Variants in PLD1 observed in about 807,000 individuals in gnomAD.
The protein encoded by PLD1 is phospholipase D1, also known as choline phosphatase 1.
A neutral mutation model predicts 137.1 loss-of-function variants in PLD1; 112 were observed. That is an observed-to-expected ratio of 0.82 (90% confidence interval 0.70 to 0.96). PLD1 has a LOEUF of 0.96. Ranked by LOEUF, PLD1 falls within the 40% of genes least tolerant of loss-of-function variation. The probability of loss-of-function intolerance (pLI) is 0.00; values close to 1 mark genes in which losing one functional copy is unlikely to be tolerated. For missense variants in PLD1, 1,321 were observed against 1,342.0 expected (o/e 0.98, Z 0.24); for synonymous variants, 431 against 454.7 (o/e 0.95, Z 0.66).
chr3:171,697,237 C>CTTTTTTTTTTTTTTTT (rs34340739), intron 12 of PLD1, among the ~76,000 whole-genome samples: 2 of 97,314 alleles, frequency 2.1e-5, no homozygotes, highest in African/African-American at 3.9e-5. Context: ...TTCCGGACAC[C>CTTTTTTTTTTTTTTTT]TTTTTTTTTT....
chr3:171,634,096 A>C (rs2108341959), intron 23 of PLD1, among the ~76,000 whole-genome samples: 1 of 152,354 alleles, frequency 6.6e-6, no homozygotes, highest in East Asian at 1.9e-4. Context: ...AGAAACAGGC[A>C]TTATGTAATT....
chr3:171,644,767 C>T lies in PLD1; in HGVS notation c.2543+143G>A, dbSNP rs1357680171. ...CATTTGAATTTTATCAACTAGCAAA[C>T]GGGCCAAGATTTGAAAGTAAAATAA... is the stretch of plus-strand genomic sequence containing the variant. On this transcript the variant is annotated intron_variant, in intron 22 of 26. Coordinates refer to ENST00000351298, the MANE Select transcript of PLD1 (RefSeq NM_002662.5). 43 of 613,102 alleles carry T rather than the reference C, an allele frequency of 7.0e-5. No individual in the cohort carries two copies. In the South Asian group the frequency reaches 7.2e-4, roughly 10 times the overall value. 38.0% of individuals were successfully genotyped at this position (613,102 alleles called of 1,614,324 possible).
At chr3:171,687,665 T>A in intron 14 of PLD1, 81 bp from the exon 15 acceptor site, 1 of 868,012 alleles carries the variant, frequency 1.2e-6, no homozygotes, top group Non-Finnish European at 1.8e-6. Context: ...AGAGCTGAAG[T>A]ATAAAGTTTA....
At chr3:171,729,837 C>G (rs1718798940) in intron 6 of PLD1, among the ~76,000 whole-genome samples, 1 of 152,204 alleles carries the variant, frequency 6.6e-6, no homozygotes, top group Admixed American at 6.5e-5. Context: ...CTCTTCCCCT[C>G]AAGTTAAAGT....
intron 26 of PLD1, among the ~76,000 whole-genome samples, chr3:171,604,792 T>C (rs1732079244): frequency 6.6e-6 from 1 of 152,248 alleles, no homozygotes; most frequent in Non-Finnish European, 1.5e-5. Flanking sequence ...GAATACTGTT[T>C]ACTATACACT....
chr3:171,645,323 G>C (rs1285689638), intron 21 of PLD1, among the ~76,000 whole-genome samples: 1 of 152,150 alleles, frequency 6.6e-6, no homozygotes, highest in Non-Finnish European at 1.5e-5. Context: ...AGAAATCCTT[G>C]CTTGGATCCC....
At chr3:171,710,646 C>T (rs7618276) in intron 9 of PLD1, among the ~76,000 whole-genome samples, 53,600 of 151,850 alleles carry the variant, frequency 0.35, 10,480 homozygotes, top group African/African-American at 0.5. Flanking sequence ...ACTGGTACCC[C>T]GAGGGGGTTG....
At chr3:171,700,864 T>C (rs1031087151) in intron 11 of PLD1, among the ~76,000 whole-genome samples, 1 of 152,216 alleles carries the variant, frequency 6.6e-6, no homozygotes, top group Non-Finnish European at 1.5e-5. Context: ...GGCTGGGTTC[T>C]AAAGTTAGTT....
At chr3:171,624,530 A>G (rs182671136) in intron 23 of PLD1, among the ~76,000 whole-genome samples, 38 of 152,116 alleles carry the variant, frequency 2.5e-4, no homozygotes, top group African/African-American at 8.9e-4. Context: ...AATTTATGCT[A>G]AATATATACC....
chr3:171,606,045 G>A, intron 25 of PLD1, among the ~76,000 whole-genome samples: 1 of 152,170 alleles, frequency 6.6e-6, no homozygotes, highest in East Asian at 1.9e-4. Context: ...GGGGGGCAAG[G>A]GTTGAAACAG....
chr3:171,711,770 G>C (rs1717250700), intron 9 of PLD1, among the ~76,000 whole-genome samples: 1 of 134,682 alleles, frequency 7.4e-6, no homozygotes, highest in South Asian at 2.3e-4. Flanking sequence ...AGATTTTTCT[G>C]TCACTCATAA....
chr3:171,733,787 C>T (rs1719130194), intron 5 of PLD1, among the ~76,000 whole-genome samples: 1 of 152,102 alleles, frequency 6.6e-6, no homozygotes, highest in Non-Finnish European at 1.5e-5. Context: ...ATGTATATAG[C>T]TATTATAGCA....
In PLD1 at chr3:171,620,406, T is replaced by A. The variant is rs1273644455; in HGVS notation, c.2708A>T (p.Asp903Val). 1 of 1,597,070 alleles carries A rather than the reference T, an allele frequency of 6.3e-7. No individual in the cohort carries two copies. The highest frequency in any genetic ancestry group is 8.6e-7 in the Non-Finnish European group (1 of 1,167,678). Residue 903 changes from aspartate to valine, a missense_variant, in exon 24 of 27, where the codon GAT (aspartate) becomes GTT (valine). Transcript: ENST00000351298. Reference protein sequence around the residue: ...IYVHSKLLIADDNTVIIGSAN... With the variant: ...IYVHSKLLIAVDNTVIIGSAN... Reference sequence around the variant, plus strand: ...CTTACCAATAATAACAGTGTTATCATCAGCAATTAACAACTTGCTGTGGAC... The same window carrying A: ...CTTACCAATAATAACAGTGTTATCAACAGCAATTAACAACTTGCTGTGGAC...
At chr3:171,696,211 G>A (rs547781543) in intron 12 of PLD1, among the ~76,000 whole-genome samples, 1 of 152,332 alleles carries the variant, frequency 6.6e-6, no homozygotes, top group South Asian at 2.1e-4. Flanking sequence ...AAAATTGCGT[G>A]TGGGGATTTG....
chr3:171,773,897 C>T (rs958372989), intron 1 of PLD1, among the ~76,000 whole-genome samples: 2 of 151,786 alleles, frequency 1.3e-5, no homozygotes, highest in Non-Finnish European at 2.9e-5. Context: ...TACAGGCGCC[C>T]GCCACCGCAC....
At chr3:171,607,426 C>G (rs1732299775) in intron 25 of PLD1, among the ~76,000 whole-genome samples, 1 of 152,018 alleles carries the variant, frequency 6.6e-6, no homozygotes. Context: ...ATGTGTCCAC[C>G]AAACTATCAG....
intron 1 of PLD1, among the ~76,000 whole-genome samples, chr3:171,796,048 A>G (rs1458355806): frequency 6.6e-6 from 1 of 152,200 alleles, no homozygotes; most frequent in Non-Finnish European, 1.5e-5. Flanking sequence ...TGTCTGAGAC[A>G]TTGGTCTCTC....
At chr3:171,748,657 T>A (rs547415748) in intron 1 of PLD1, among the ~76,000 whole-genome samples, 1 of 152,164 alleles carries the variant, frequency 6.6e-6, no homozygotes, top group Non-Finnish European at 1.5e-5. Flanking sequence ...TGGCCATCTA[T>A]GTAATTACTA....
rs1716990731 is a variant in PLD1 at position 171,709,677 on chromosome 3, T to C, written c.944A>G (p.His315Arg). 6.8e-6 allele frequency: 11 copies of C among 1,611,304 alleles called. No individual in the cohort carries two copies. The highest frequency in any genetic ancestry group is 9.3e-6 in the Non-Finnish European group (11 of 1,179,304). Residue 315 changes from histidine (H) to arginine (R), a missense_variant, in exon 10 of 27, where the codon CAT becomes CGT. Physicochemically the swap from His to Arg is conservative, Grantham distance 29. Transcript: ENST00000351298. ...TLILKCNSYR[H>R]ARWWGGAIEE... ...TATAGCCCCTCCCCACCACCGAGCATGTCTATAGCTGTTGCATTTTAAAAT... is the reference window on the plus strand; with the variant it reads ...TATAGCCCCTCCCCACCACCGAGCACGTCTATAGCTGTTGCATTTTAAAAT...
Sources: allele counts gnomAD v4.1 joint callset (sites outside exome capture counted in the v4.1 genomes callset), GRCh38; gene constraint gnomAD v4.1.1; transcripts MANE v1.5; gene names NCBI Gene and HGNC (gene_info 2026-07-23, HGNC 2026-07-21).